The following TMEM178B variants were observed in gnomAD, a reference collection of about 807,000 sequenced individuals.
TMEM178B encodes the protein transmembrane protein 178B.
TMEM178B carries 5 observed loss-of-function variants against 31.0 expected under a neutral mutation model. The ratio of observed to expected loss-of-function variants is 0.16; its 90% CI spans 0.08 to 0.34. The LOEUF is 0.34. TMEM178B is among the 10% of genes least tolerant of loss of function. The pLI is 1.00. For synonymous variants in TMEM178B, 164 were observed against 164.0 expected (o/e 1.00, Z 0.00); for missense variants, 275 against 400.3 (o/e 0.69, Z 2.67).
At chr7:141,285,607 G>T (rs1460314436) in intron 2 of TMEM178B, among the ~76,000 whole-genome samples, 1 of 151,992 alleles carries the variant, frequency 6.6e-6, no homozygotes, top group Non-Finnish European at 1.5e-5. Context: ...TATACCCAAA[G>T]GATTATAAAT....
chr7:141,504,961 A>T, the TMEM178B span, among the ~76,000 whole-genome samples: 532 of 152,328 alleles, frequency 3.5e-3, 2 homozygotes, highest in African/African-American at 9.8e-3. Flanking sequence ...GTCCTAACAT[A>T]TTTTTTTAGG....
intron 1 of TMEM178B, among the ~76,000 whole-genome samples, chr7:141,132,915 G>A (rs913190838): frequency 3.3e-5 from 5 of 152,156 alleles, no homozygotes; most frequent in African/African-American, 7.2e-5. Context: ...ACAGAGCCTT[G>A]CCGTAACCTC....
intron 1 of TMEM178B, among the ~76,000 whole-genome samples, chr7:141,107,277 A>T (rs890195596): frequency 3.2e-4 from 48 of 152,208 alleles, no homozygotes; most frequent in Admixed American, 2.5e-3. Flanking sequence ...CTCTGAGATG[A>T]GAGGTTGTTG....
intron 2 of TMEM178B, among the ~76,000 whole-genome samples, chr7:141,337,140 CCAT>C (rs1799426275): frequency 3.2e-5 from 1 of 31,096 alleles, no homozygotes; most frequent in Admixed American, 3.9e-4. Context: ...ACCACCACCA[CCAT>C]CATCACCACC....
chr7:141,428,538 G>A (rs1320348790), intron 2 of TMEM178B, among the ~76,000 whole-genome samples: 1 of 152,108 alleles, frequency 6.6e-6, no homozygotes, highest in East Asian at 1.9e-4. Context: ...CTGTGAAAAT[G>A]CTAGACCAGG....
At position 141,344,570 on chromosome 7, in the gene TMEM178B, TCC is replaced by T. The variant is rs1196631438; in HGVS notation, c.497-93037_497-93036del. 8.5e-4 allele frequency among the ~76,000 whole-genome samples: 117 copies of T among 137,036 alleles called. No homozygotes were observed. The highest frequency in any genetic ancestry group is 6.7e-4 in the Non-Finnish European group (43 of 64,396). The allele number at this position is 137,036 out of a possible 152,430, so 89.9% of individuals were successfully genotyped here. On this transcript the variant is annotated intron_variant, in intron 2 of 3. Transcript: ENST00000565468. The surrounding 1 kb of genome is among the most constrained non-coding windows in gnomAD (Gnocchi z 4.1). ...CTCCCTCCCTCCCTCCATTCCTCCC[TCC>T]TCCCTTCCTTCCTTCCTTCCTTCCT...
intron 1 of TMEM178B, among the ~76,000 whole-genome samples, chr7:141,163,758 C>G (rs2129181958): frequency 1.3e-5 from 2 of 152,196 alleles, no homozygotes; most frequent in East Asian, 3.9e-4. Flanking sequence ...AAGTGGTGTG[C>G]CTGCCTCAAC....
At chr7:141,420,132 CTACT>C (rs1477455416) in intron 2 of TMEM178B, among the ~76,000 whole-genome samples, 1 of 152,110 alleles carries the variant, frequency 6.6e-6, no homozygotes, top group Non-Finnish European at 1.5e-5. Flanking sequence ...TCTCCTACAT[CTACT>C]TCATTACAGC....
intron 2 of TMEM178B, among the ~76,000 whole-genome samples, chr7:141,429,202 G>A (rs1329616381): frequency 3.3e-5 from 5 of 152,030 alleles, no homozygotes; most frequent in African/African-American, 9.7e-5. Context: ...GTATGTTAAC[G>A]AGATATCTGC....
chr7:141,095,075 T>C (rs1377310725), intron 1 of TMEM178B, among the ~76,000 whole-genome samples: 3 of 152,260 alleles, frequency 2.0e-5, no homozygotes, highest in African/African-American at 4.8e-5. Context: ...GTGAAAATTA[T>C]TGGCCACATT....
At chr7:141,116,448 C>G (rs997956548) in intron 1 of TMEM178B, among the ~76,000 whole-genome samples, 1 of 151,724 alleles carries the variant, frequency 6.6e-6, no homozygotes, top group Non-Finnish European at 1.5e-5. Flanking sequence ...GAGTTGAAGT[C>G]AATTTCTTTG....
chr7:141,450,455 T>C (rs530244537), intron 3 of TMEM178B, among the ~76,000 whole-genome samples: 2 of 152,350 alleles, frequency 1.3e-5, no homozygotes, highest in Non-Finnish European at 2.9e-5. Context: ...AGCTGTTTTC[T>C]TTTTCAGGAC....
intron 2 of TMEM178B, among the ~76,000 whole-genome samples, chr7:141,381,188 G>A (rs923830221): frequency 6.6e-6 from 1 of 152,200 alleles, no homozygotes; most frequent in Non-Finnish European, 1.5e-5. Context: ...TCAGTGATGT[G>A]AAACCCCCCA....
chr7:141,230,546 A>G (rs538341671), intron 2 of TMEM178B, among the ~76,000 whole-genome samples: 1 of 152,228 alleles, frequency 6.6e-6, no homozygotes, highest in African/African-American at 2.4e-5. Context: ...CAGTGTCTTC[A>G]GTGGGTGTGC....
At chr7:141,366,951 CTGCTGA>C (rs1225701857) in intron 2 of TMEM178B, among the ~76,000 whole-genome samples, 12 of 152,138 alleles carry the variant, frequency 7.9e-5, no homozygotes, top group Non-Finnish European at 1.3e-4. Context: ...CTAAAGGAGA[CTGCTGA>C]TGCTAAATTG....
chr7:141,382,537 C>T (rs1800337210), intron 2 of TMEM178B, among the ~76,000 whole-genome samples: 1 of 152,208 alleles, frequency 6.6e-6, no homozygotes. Context: ...TATAAGTGAA[C>T]TTGTCATTTC....
intron 2 of TMEM178B, among the ~76,000 whole-genome samples, chr7:141,275,907 C>T (rs1245540454): frequency 6.6e-6 from 1 of 152,170 alleles, no homozygotes. Flanking sequence ...CCTCGTGCTA[C>T]AATGGATGTG....
chr7:141,326,544 C>G (rs1799193799), intron 2 of TMEM178B, among the ~76,000 whole-genome samples: 1 of 152,094 alleles, frequency 6.6e-6, no homozygotes, highest in African/African-American at 2.4e-5. Context: ...TCGAATGTTC[C>G]TATTATAGAT....
chr7:141,254,453 C>T (rs1370386520), intron 2 of TMEM178B, among the ~76,000 whole-genome samples: 1 of 152,058 alleles, frequency 6.6e-6, no homozygotes, highest in Non-Finnish European at 1.5e-5. Flanking sequence ...TGTGGTGGCT[C>T]ACACCTGTAA....
Sources: allele counts gnomAD v4.1 joint callset (sites outside exome capture counted in the v4.1 genomes callset), GRCh38; gene constraint gnomAD v4.1.1; non-coding constraint Gnocchi (gnomAD v3.1); transcripts MANE v1.5; gene names NCBI Gene and HGNC (gene_info 2026-07-23, HGNC 2026-07-21).